IGSF21: variants seen among roughly 807,000 people sequenced by gnomAD.
IGSF21 encodes the protein immunoglobulin superfamily member 21.
In IGSF21, 28 loss-of-function variants were observed where a neutral mutation model predicts 46.8. The ratio of observed to expected loss-of-function variants is 0.60; its 90% confidence interval spans 0.44 to 0.82. IGSF21 has a LOEUF of 0.82. IGSF21 is among the 40% of genes least tolerant of loss of function. The pLI is 0.00. For synonymous variants in IGSF21, 284 were observed against 273.6 expected, an observed-to-expected ratio of 1.04 and a Z score of -0.38; for missense variants, 624 against 665.5, an observed-to-expected ratio of 0.94 and a Z score of 0.69.
rs939414332 is a variant in IGSF21 at position 18,337,022 on chromosome 1, T to C, written c.424+2012T>C. Among the ~76,000 whole-genome samples the C allele has an allele frequency of 2.0e-5, 3 of 152,194 alleles. No homozygotes were observed. The highest frequency in any genetic ancestry group is 4.4e-5 in the Non-Finnish European group (3 of 68,024). On this transcript the variant is annotated intron_variant, in intron 4 of 9. Coordinates refer to ENST00000251296, the MANE Select transcript of IGSF21 (RefSeq NM_032880.5). This position sits in a 1 kb window ranked among gnomAD's most constrained non-coding sequence, Gnocchi z 5.7. ...ATTCAGTTATCTCCCACTAGGTCCC[T>C]CCTACAACACATGGGAATTGTGGGA...
intron 3 of IGSF21, among the ~76,000 whole-genome samples, chr1:18,319,012 G>A (rs1013618284): frequency 6.6e-6 from 1 of 152,104 alleles, no homozygotes; most frequent in Non-Finnish European, 1.5e-5. Context: ...AAATGATATC[G>A]GTGAGAACTA....
At chr1:18,221,588 G>A (rs958743618) in intron 1 of IGSF21, among the ~76,000 whole-genome samples, 4 of 152,094 alleles carry the variant, frequency 2.6e-5, no homozygotes, top group African/African-American at 4.8e-5. Context: ...TATTGCCCGC[G>A]ATTTTGCTAA....
chr1:18,188,657 A>G (rs1313071836), intron 1 of IGSF21, among the ~76,000 whole-genome samples: 4 of 152,148 alleles, frequency 2.6e-5, no homozygotes, highest in Non-Finnish European at 5.9e-5. Context: ...CAGCTGGTGT[A>G]TGAGGCTCCC....
intron 2 of IGSF21, among the ~76,000 whole-genome samples, chr1:18,254,022 T>G (rs1170309815): frequency 6.6e-6 from 1 of 152,198 alleles, no homozygotes; most frequent in Non-Finnish European, 1.5e-5. Context: ...GGAACTGCGC[T>G]AAGCATTTTA....
chr1:18,327,821 A>C (rs1208677746), intron 3 of IGSF21, among the ~76,000 whole-genome samples: 1 of 152,200 alleles, frequency 6.6e-6, no homozygotes, highest in Admixed American at 6.5e-5. Flanking sequence ...GTCTCAATAC[A>C]TTGAAACTTA....
At chr1:18,156,876 G>A (rs551600196) in intron 1 of IGSF21, among the ~76,000 whole-genome samples, 18 of 152,200 alleles carry the variant, frequency 1.2e-4, no homozygotes, top group Non-Finnish European at 2.4e-4. Flanking sequence ...GACTCTCCCA[G>A]CACTTTGAGG....
intron 1 of IGSF21, among the ~76,000 whole-genome samples, chr1:18,135,236 A>G (rs536876231): frequency 6.6e-6 from 1 of 152,228 alleles, no homozygotes; most frequent in East Asian, 1.9e-4. Context: ...TAATTTATTT[A>G]TTTATGTACT....
At chr1:18,255,251 G>A (rs2084880120) in intron 2 of IGSF21, among the ~76,000 whole-genome samples, 1 of 152,166 alleles carries the variant, frequency 6.6e-6, no homozygotes, top group African/African-American at 2.4e-5. Flanking sequence ...ACTTCACTCT[G>A]CACTCCCCTG....
At chr1:18,182,343 A>T (rs567752842) in intron 1 of IGSF21, among the ~76,000 whole-genome samples, 2 of 151,904 alleles carry the variant, frequency 1.3e-5, no homozygotes, top group Admixed American at 6.6e-5. Context: ...CATCCGGCTA[A>T]TTTTTTTGTA....
intron 6 of IGSF21, among the ~76,000 whole-genome samples, chr1:18,372,833 G>GATGT (rs2086241237): frequency 8.5e-6 from 1 of 117,614 alleles, no homozygotes; most frequent in Admixed American, 9.3e-5. Flanking sequence ...TGGATGGATG[G>GATGT]ATGGATGGAT....
chr1:18,153,016 T>C (rs1345999426), intron 1 of IGSF21, among the ~76,000 whole-genome samples: 3 of 152,142 alleles, frequency 2.0e-5, no homozygotes, highest in African/African-American at 7.2e-5. Flanking sequence ...GCACGAGGGT[T>C]GATGTTGATT....
At chr1:18,162,705 G>T (rs577184039) in intron 1 of IGSF21, among the ~76,000 whole-genome samples, 59 of 152,334 alleles carry the variant, frequency 3.9e-4, no homozygotes, top group African/African-American at 1.4e-3. Context: ...TCCACTGTAA[G>T]TTGAGGAGCG....
chr1:18,218,350 G>A (rs192169554), intron 1 of IGSF21, among the ~76,000 whole-genome samples: 22 of 152,302 alleles, frequency 1.4e-4, no homozygotes, highest in Admixed American at 7.2e-4. Flanking sequence ...CACCAGGTCC[G>A]TCTTCCAACA....
At chr1:18,217,291 G>A (rs948892586) in intron 1 of IGSF21, among the ~76,000 whole-genome samples, 1 of 152,158 alleles carries the variant, frequency 6.6e-6, no homozygotes, top group African/African-American at 2.4e-5. Context: ...AGACATACCC[G>A]CTGCCCCCTG....
intron 4 of IGSF21, among the ~76,000 whole-genome samples, chr1:18,359,249 G>C (rs2086057075): frequency 6.8e-6 from 1 of 148,082 alleles, no homozygotes; most frequent in South Asian, 2.2e-4. Context: ...GTTCACTCCA[G>C]CCTGGGTAAC....
At chr1:18,196,180 G>A (rs61762138) in intron 1 of IGSF21, among the ~76,000 whole-genome samples, 38,461 of 152,094 alleles carry the variant, frequency 0.25, 6,121 homozygotes, top group Non-Finnish European at 0.34. Flanking sequence ...GAATGTGGTC[G>A]GATCTCTGTC....
intron 2 of IGSF21, among the ~76,000 whole-genome samples, chr1:18,287,694 T>C (rs2124561935): frequency 6.6e-6 from 1 of 152,316 alleles, no homozygotes; most frequent in East Asian, 1.9e-4. Flanking sequence ...CCATGAGACC[T>C]GCCTGCCTCC....
chr1:18,359,381 A>AG (rs1459588812), intron 4 of IGSF21, among the ~76,000 whole-genome samples: 418 of 100,784 alleles, frequency 4.1e-3, no homozygotes, highest in Middle Eastern at 0.014. Context: ...AAAGAAAGAA[A>AG]GAAAGGAAGG....
chr1:18,163,803 C>T lies in IGSF21; in HGVS notation c.70+55605C>T, dbSNP rs140624966. ...AATGTCTTCTCTGACTTCACTGTGT[C>T]TTCACAGCCTAGGGGCACTGATGGA... On this transcript the variant is annotated intron_variant, in intron 1 of 9. Transcript: ENST00000251296. Among the ~76,000 whole-genome samples the T allele has an allele frequency of 5.7e-4, 87 of 152,328 alleles. 1 individual carries two copies. Among genetic ancestry groups the T allele is most frequent in the Middle Eastern group, 3.4e-3 (1 of 294 alleles).
Sources: gnomAD v4.1 joint callset for allele counts (sites outside exome capture counted in the v4.1 genomes callset) on GRCh38, gnomAD v4.1.1 for gene constraint, Gnocchi (gnomAD v3.1) non-coding constraint, MANE v1.5 for transcripts, NCBI Gene and HGNC (gene_info 2026-07-23, HGNC 2026-07-21) for gene names.